WNT3A: variants seen among roughly 807,000 people sequenced by gnomAD.
WNT3A encodes protein Wnt-3a.
In WNT3A, 17 loss-of-function variants were observed where a neutral mutation model predicts 37.0. That is an observed-to-expected ratio of 0.46 (90% CI 0.31 to 0.69). The LOEUF is 0.69. Among genes scored for constraint, WNT3A ranks in the 30% least tolerant of loss-of-function variants. The pLI is 0.05. For synonymous variants in WNT3A, 187 were observed against 211.0 expected (o/e 0.89, Z 0.99); for missense variants, 411 against 510.2 (o/e 0.81, Z 1.87).
At chr1:228,046,127 G>T (rs1198363476) in intron 2 of WNT3A, among the ~76,000 whole-genome samples, 1 of 152,272 alleles carries the variant, frequency 6.6e-6, no homozygotes, top group Non-Finnish European at 1.5e-5. Flanking sequence ...AGGACAAAGG[G>T]CTGAGTGCGG....
rs74143631 is a variant in WNT3A at position 228,054,144 on chromosome 1, A to G, written c.579+3223A>G. Among the ~76,000 whole-genome samples the G allele has an allele frequency of 2.1e-3, 322 of 152,308 alleles. 2 individuals are homozygous for G. The highest frequency in any genetic ancestry group is 0.015 in the East Asian group (77 of 5,180). On this transcript the variant is annotated intron_variant, in intron 3 of 3. Transcript: ENST00000284523. The stretch of plus-strand genomic sequence containing the variant: ...GGCTGTGACCCTGAAGAGCAAAGCC[A>G]AGCCAGAAGTAGTCTTGTCCTGTTC...
chr1:228,013,205 G>A (rs1001844390), intron 1 of WNT3A, among the ~76,000 whole-genome samples: 2 of 152,198 alleles, frequency 1.3e-5, no homozygotes, highest in African/African-American at 4.8e-5. Flanking sequence ...GTGCCACTAC[G>A]CTTGGCTAGT....
chr1:228,058,835 G>A, intron 3 of WNT3A, 151 bp from the exon 4 acceptor site: 3 of 759,338 alleles, frequency 4.0e-6, no homozygotes, highest in Non-Finnish European at 2.1e-6. Context: ...ACCATAGGAA[G>A]GGGGTGGCCC....
chr1:228,025,587 G>T (rs753015310), intron 2 of WNT3A, among the ~76,000 whole-genome samples: 17 of 152,120 alleles, frequency 1.1e-4, no homozygotes, highest in Admixed American at 2.0e-4. Flanking sequence ...GGGCTCAAGC[G>T]ATCCACCTGC....
chr1:228,052,172 G>A (rs192357785), intron 3 of WNT3A, among the ~76,000 whole-genome samples: 7 of 152,052 alleles, frequency 4.6e-5, no homozygotes, highest in Admixed American at 4.6e-4. Context: ...TTCTGGGGGG[G>A]TGGGGACACA....
chr1:228,034,585 AC>A (rs2031091073), intron 2 of WNT3A, among the ~76,000 whole-genome samples: 1 of 152,138 alleles, frequency 6.6e-6, no homozygotes, highest in Non-Finnish European at 1.5e-5. Context: ...TTGCTTTTAA[AC>A]TTAGTAGTTC....
In WNT3A at chr1:228,022,791, G is replaced by A. The variant is rs774063132; in HGVS notation, c.196G>A (p.Val66Met). ...GAACTACGTGGAGATCATGCCCAGC[G>A]TGGCCGAGGGCATCAAGATTGGCAT... ...CRNYVEIMPS[V>M]AEGIKIGIQE... is the part of the protein sequence containing the mutation. The change falls in exon 2 of 4, where the codon GTG becomes ATG. Residue 66 changes from valine (V) to methionine (M), a missense_variant. By Grantham distance (21) the Val-to-Met change is conservative. Coordinates refer to ENST00000284523, the MANE Select transcript of WNT3A (RefSeq NM_033131.4). 18 of 1,614,154 alleles carry A rather than the reference G, an allele frequency of 1.1e-5. No individual in the cohort carries two copies. Among genetic ancestry groups the A allele is most frequent in the East Asian group, 6.7e-5 (3 of 44,884 alleles).
intron 3 of WNT3A, among the ~76,000 whole-genome samples, chr1:228,056,533 CAA>C (rs1231876377): frequency 1.3e-5 from 2 of 151,898 alleles, no homozygotes; most frequent in African/African-American, 4.8e-5. Flanking sequence ...AAAAAAAAGA[CAA>C]AGAGATTAAA....
chr1:228,035,788 C>T (rs1408147960), intron 2 of WNT3A, among the ~76,000 whole-genome samples: 2 of 152,170 alleles, frequency 1.3e-5, no homozygotes, highest in Non-Finnish European at 2.9e-5. Flanking sequence ...TGAGCTCCTG[C>T]TGTGCTTCTA....
chr1:228,025,974 G>A (rs754555779), intron 2 of WNT3A, among the ~76,000 whole-genome samples: 3 of 150,802 alleles, frequency 2.0e-5, no homozygotes, highest in Non-Finnish European at 4.4e-5. Flanking sequence ...GCCCAGGCTG[G>A]TCTTGAACTT....
chr1:228,043,160 G>A (rs1393017233), intron 2 of WNT3A, among the ~76,000 whole-genome samples: 4 of 152,220 alleles, frequency 2.6e-5, no homozygotes, highest in Non-Finnish European at 5.9e-5. Flanking sequence ...ACTGCTAAAT[G>A]AGACCACAAC....
chr1:228,026,093 C>A (rs1483891422), intron 2 of WNT3A, among the ~76,000 whole-genome samples: 1 of 151,722 alleles, frequency 6.6e-6, no homozygotes, highest in Non-Finnish European at 1.5e-5. Context: ...TCAGATTTTC[C>A]ATTGTTAATA....
chr1:228,035,760 G>A (rs2031121792), intron 2 of WNT3A, among the ~76,000 whole-genome samples: 2 of 152,080 alleles, frequency 1.3e-5, no homozygotes, highest in Admixed American at 6.5e-5. Context: ...CTGCTATGCC[G>A]GCCTCTCTGC....
In WNT3A at chr1:228,031,477, T is replaced by C. The variant is rs1442376981; in HGVS notation, c.313+8569T>C. Among the ~76,000 whole-genome samples the C allele has an allele frequency of 2.0e-5, 3 of 152,066 alleles. No homozygotes were observed. Among genetic ancestry groups the C allele is most frequent in the Non-Finnish European group, 4.4e-5 (3 of 68,006 alleles). ...CCAGGGCCGTGCAGCTCATCGAGCG[T>C]GTCCAAGGGTGTGTGTGGCGTGTGA... On this transcript the variant is annotated intron_variant, in intron 2 of 3. Transcript: ENST00000284523. This position sits in a 1 kb window ranked among gnomAD's most constrained non-coding sequence, Gnocchi z 4.8.
rs73110775 is a variant in WNT3A, at chr1:228,035,737, G to A, written c.313+12829G>A. ...GTTGGGGCGGGGAGCCCCCATTTCC[G>A]GTTGTTTTCCTGCTGCTATGCCGGC... On this transcript the variant is annotated intron_variant, in intron 2 of 3. Coordinates refer to ENST00000284523, the MANE Select transcript of WNT3A (RefSeq NM_033131.4). 4.9e-3 allele frequency among the ~76,000 whole-genome samples: 751 copies of A among 152,230 alleles called. 4 individuals are homozygous for A. Among genetic ancestry groups the A allele is most frequent in the African/African-American group, 0.017 (691 of 41,536 alleles).
intron 2 of WNT3A, among the ~76,000 whole-genome samples, chr1:228,035,737 G>T (rs73110775): frequency 6.6e-6 from 1 of 152,114 alleles, no homozygotes; most frequent in Non-Finnish European, 1.5e-5. Flanking sequence ...CCCCATTTCC[G>T]GTTGTTTTCC....
chr1:228,007,364 G>T lies in WNT3A; in HGVS notation c.71+165G>T, dbSNP rs1364812452. On this transcript the variant is annotated intron_variant, in intron 1 of 3. Transcript: ENST00000284523. The surrounding 1 kb of genome is among the most constrained non-coding windows in gnomAD (Gnocchi z 6.0). ...TTTCCTTGACGGCCACTTTGGACCT[G>T]TTCAGGCCGCTGGGACGCGTGGGTG... 1.3e-5 allele frequency among the ~76,000 whole-genome samples: 2 copies of T among 152,170 alleles called. No homozygotes were observed. The highest frequency in any genetic ancestry group is 2.9e-5 in the Non-Finnish European group (2 of 68,022).
At chr1:228,047,564 G>T (rs1293815233) in intron 2 of WNT3A, among the ~76,000 whole-genome samples, 1 of 152,132 alleles carries the variant, frequency 6.6e-6, no homozygotes, top group African/African-American at 2.4e-5. Context: ...TCCTCTCCTA[G>T]GCAGCCTGCA....
At chr1:228,040,501 A>T (rs962358954) in intron 2 of WNT3A, among the ~76,000 whole-genome samples, 12 of 152,218 alleles carry the variant, frequency 7.9e-5, no homozygotes, top group African/African-American at 2.9e-4. Context: ...GTCACTGCGT[A>T]ATAAATAGTG....
Sources: gnomAD v4.1 joint callset for allele counts (sites outside exome capture counted in the v4.1 genomes callset) on GRCh38, gnomAD v4.1.1 for gene constraint, Gnocchi (gnomAD v3.1) non-coding constraint, MANE v1.5 for transcripts, NCBI Gene and HGNC (gene_info 2026-07-23, HGNC 2026-07-21) for gene names.